DOCK4: variants seen among roughly 807,000 people sequenced by gnomAD.
The protein encoded by DOCK4 is dedicator of cytokinesis protein 4.
A neutral mutation model predicts 268.1 loss-of-function variants in DOCK4; 97 were observed. That is an observed-to-expected ratio of 0.36 (90% CI 0.31 to 0.43). DOCK4 has a LOEUF of 0.43. DOCK4 is among the 20% of genes least tolerant of loss of function. DOCK4 has a pLI of 1.00. For missense variants in DOCK4, 2,145 were observed against 2,455.7 expected (o/e 0.87, Z 2.67); for synonymous variants, 954 against 887.2 (o/e 1.08, Z -1.34).
intron 1 of DOCK4, among the ~76,000 whole-genome samples, chr7:112,165,615 A>G (rs1817550014): frequency 6.6e-6 from 1 of 151,600 alleles, no homozygotes; most frequent in South Asian, 2.1e-4. Flanking sequence ...CATGTTTTAC[A>G]TATTTATTTC....
At chr7:111,784,182 A>G in intron 32 of DOCK4, 59 bp from the exon 33 acceptor site, 1 of 1,492,044 alleles carries the variant, frequency 6.7e-7, no homozygotes, top group African/African-American at 1.4e-5. Context: ...GTCATAAAAT[A>G]CAAACACATG....
At chr7:111,941,631 G>A (rs1795199432) in intron 10 of DOCK4, among the ~76,000 whole-genome samples, 1 of 151,522 alleles carries the variant, frequency 6.6e-6, no homozygotes, top group East Asian at 1.9e-4. Context: ...ACATCAGAAA[G>A]AAGCTCCTTA....
At chr7:112,205,292 C>G (rs1159794350) in intron 1 of DOCK4, among the ~76,000 whole-genome samples, 1 of 152,144 alleles carries the variant, frequency 6.6e-6, no homozygotes, top group African/African-American at 2.4e-5. Context: ...CTCCCTGCCC[C>G]CAAGAACCAG....
At chr7:112,078,943 T>C (rs1205160686) in intron 1 of DOCK4, among the ~76,000 whole-genome samples, 1 of 152,092 alleles carries the variant, frequency 6.6e-6, no homozygotes, top group Non-Finnish European at 1.5e-5. Flanking sequence ...CTGGGTAACA[T>C]GGCAAAACTC....
chr7:111,843,671 TATATATATAAATAGATACAC>T (rs1185040978), intron 25 of DOCK4, among the ~76,000 whole-genome samples: 3 of 152,000 alleles, frequency 2.0e-5, no homozygotes, highest in African/African-American at 7.2e-5. Context: ...TATATTCCTG[TATATATATAAATAGATACAC>T]ATATATAAAC....
intron 4 of DOCK4, among the ~76,000 whole-genome samples, chr7:111,996,291 TAA>T (rs2135266489): frequency 6.6e-6 from 1 of 152,344 alleles, no homozygotes; most frequent in African/African-American, 2.4e-5. Context: ...TTTAAATTTT[TAA>T]GCATAAAATT....
intron 1 of DOCK4, among the ~76,000 whole-genome samples, chr7:112,005,603 G>C (rs1800791212): frequency 6.6e-6 from 1 of 152,158 alleles, no homozygotes. Flanking sequence ...CTTCTTACAA[G>C]GGATCAGCAA....
At chr7:111,736,762 A>ATAAC (rs1470115342) in intron 50 of DOCK4, among the ~76,000 whole-genome samples, 155 bp downstream of exon 50, 4 of 152,296 alleles carry the variant, frequency 2.6e-5, no homozygotes, top group Non-Finnish European at 5.9e-5. Flanking sequence ...ATGATCATGA[A>ATAAC]TAACTGTCTT....
chr7:112,067,986 C>T (rs1293332249), intron 1 of DOCK4, among the ~76,000 whole-genome samples: 1 of 151,290 alleles, frequency 6.6e-6, no homozygotes, highest in African/African-American at 2.5e-5. Flanking sequence ...GAATGTTCAT[C>T]TCAAAGCAGG....
At chr7:111,783,420 ACT>A (rs1798924804) in intron 34 of DOCK4, among the ~76,000 whole-genome samples, 1 of 152,208 alleles carries the variant, frequency 6.6e-6, no homozygotes, top group Non-Finnish European at 1.5e-5. Context: ...GGAAGGTGAC[ACT>A]GTGAGTTTCA....
chr7:111,788,865 C>A, intron 31 of DOCK4, 118 bp from the exon 32 acceptor site: 1 of 868,638 alleles, frequency 1.2e-6, no homozygotes, highest in Non-Finnish European at 1.9e-6. Flanking sequence ...GTGAAAGTGA[C>A]ATTATCAGCT....
intron 34 of DOCK4, 140 bp from the exon 35 acceptor site, chr7:111,783,064 G>T: frequency 1.4e-6 from 1 of 723,446 alleles, no homozygotes; most frequent in Non-Finnish European, 2.3e-6. Flanking sequence ...GAGGCAATTT[G>T]CATTGCAAGC....
intron 1 of DOCK4, among the ~76,000 whole-genome samples, chr7:112,023,161 C>G (rs186040857): frequency 6.6e-6 from 1 of 152,252 alleles, no homozygotes; most frequent in Non-Finnish European, 1.5e-5. Flanking sequence ...ACTCCTGACC[C>G]ACATGATTTG....
At chr7:111,883,447 A>C (rs1807584962) in intron 16 of DOCK4, among the ~76,000 whole-genome samples, 1 of 152,108 alleles carries the variant, frequency 6.6e-6, no homozygotes, top group African/African-American at 2.4e-5. Flanking sequence ...CCTCCTCAGG[A>C]TTTGGAGCCT....
chr7:112,155,612 G>A (rs1816542951), intron 1 of DOCK4, among the ~76,000 whole-genome samples: 1 of 152,194 alleles, frequency 6.6e-6, no homozygotes, highest in South Asian at 2.1e-4. Flanking sequence ...TCACCACCCA[G>A]TGGGTTATTC....
Position 112,196,162 on chromosome 7 carries a change from A to G in DOCK4, c.37+9940T>C, listed in dbSNP as rs1242573583. ...GATCTCGAACCTCTCTACAACGCGAAGGACTGAGCTAAAAATAAAGGTATG... is the reference window on the plus strand; with the variant it reads ...GATCTCGAACCTCTCTACAACGCGAGGGACTGAGCTAAAAATAAAGGTATG... On this transcript the variant is annotated intron_variant, in intron 1 of 52. Transcript: ENST00000428084. Among the ~76,000 whole-genome samples, 3 of 152,170 alleles carry G rather than the reference A, an allele frequency of 2.0e-5. No individual in the cohort carries two copies. The East Asian group carries it at 5.8e-4, about 29-fold the overall frequency.
chr7:111,950,565 T>C (rs1795976962), intron 8 of DOCK4, among the ~76,000 whole-genome samples: 1 of 152,208 alleles, frequency 6.6e-6, no homozygotes, highest in Admixed American at 6.5e-5. Context: ...TTGGTATTCT[T>C]AGATGTTTGA....
intron 1 of DOCK4, among the ~76,000 whole-genome samples, chr7:112,172,926 A>C (rs1342670985): frequency 6.6e-6 from 1 of 152,226 alleles, no homozygotes; most frequent in Non-Finnish European, 1.5e-5. Context: ...TCATGTAATG[A>C]AAGACCCCGT....
At chr7:111,829,258 T>C (rs1802629546) in intron 26 of DOCK4, among the ~76,000 whole-genome samples, 1 of 152,216 alleles carries the variant, frequency 6.6e-6, no homozygotes, top group Non-Finnish European at 1.5e-5. Context: ...TACAATTTTA[T>C]ATAATTTGAT....
Sources: allele counts gnomAD v4.1 joint callset (sites outside exome capture counted in the v4.1 genomes callset), GRCh38; gene constraint gnomAD v4.1.1; transcripts MANE v1.5; gene names NCBI Gene and HGNC (gene_info 2026-07-23, HGNC 2026-07-21).